Variants in HCRTR2 observed in about 807,000 individuals in gnomAD.
HCRTR2 encodes orexin receptor type 2.
Under a neutral mutation model 49.0 loss-of-function variants are expected in HCRTR2, and 22 were observed. The ratio of observed to expected loss-of-function variants is 0.45; its 90% confidence interval spans 0.32 to 0.64. The LOEUF is 0.64. HCRTR2 is among the 30% of genes least tolerant of loss of function. The pLI is 0.04. For synonymous variants in HCRTR2, 236 were observed against 205.3 expected, an observed-to-expected ratio of 1.15 and a Z score of -1.28; for missense variants, 491 against 559.4, an observed-to-expected ratio of 0.88 and a Z score of 1.23.
At chr6:55,194,475 T>A (rs1765375288) in intron 1 of HCRTR2, among the ~76,000 whole-genome samples, 1 of 152,112 alleles carries the variant, frequency 6.6e-6, no homozygotes, top group Admixed American at 6.5e-5. Flanking sequence ...GTGAAATTTT[T>A]AAAATTATTC....
chr6:55,219,628 C>T (rs1164252137), intron 1 of HCRTR2, among the ~76,000 whole-genome samples: 1 of 151,828 alleles, frequency 6.6e-6, no homozygotes, highest in Non-Finnish European at 1.5e-5. Flanking sequence ...AGTAAACAAC[C>T]TAACTTTACA....
upstream of HCRTR2, among the ~76,000 whole-genome samples, chr6:55,173,652 C>T (rs565217849): frequency 1.7e-4 from 26 of 152,264 alleles, no homozygotes; most frequent in African/African-American, 6.3e-4. Flanking sequence ...TGTTTAATAT[C>T]ATTGAGTATA....
intron 1 of HCRTR2, among the ~76,000 whole-genome samples, chr6:55,158,722 G>A (rs1422459553): frequency 6.6e-6 from 1 of 152,150 alleles, no homozygotes; most frequent in African/African-American, 2.4e-5. Context: ...ACGACAGTTC[G>A]GCAAAGCCAC....
Position 55,248,706 on chromosome 6 carries a change from T to C in HCRTR2, c.291T>C (p.Ser97=). The C allele has an allele frequency of 1.2e-6, 2 of 1,613,532 alleles. No homozygotes were observed. The highest frequency in any genetic ancestry group is 1.7e-6 in the Non-Finnish European group (2 of 1,179,546). The change falls in exon 2 of 7, where the codon TCT becomes TCC. Residue 97 remains serine (S), a synonymous_variant. Coordinates refer to ENST00000370862, the MANE Select transcript of HCRTR2 (RefSeq NM_001384272.1). ...TVTNYFIVNL[S]LADVLVTITC... The stretch of plus-strand genomic sequence containing the variant: ...CCAACTACTTCATAGTCAATCTTTC[T>C]CTGGCTGATGTGCTCGTGACCATCA...
intron 3 of HCRTR2, among the ~76,000 whole-genome samples, chr6:55,262,699 TGA>T (rs1766789342): frequency 7.0e-6 from 1 of 142,838 alleles, no homozygotes; most frequent in African/African-American, 2.6e-5. Flanking sequence ...GTAGGGAATC[TGA>T]ATTTATTTAT....
chr6:55,269,498 A>T (rs1261513896), intron 4 of HCRTR2, among the ~76,000 whole-genome samples: 8 of 152,344 alleles, frequency 5.3e-5, no homozygotes, highest in South Asian at 2.1e-4. Context: ...AGAACAAATA[A>T]ATGAGTTCAG....
intron 1 of HCRTR2, among the ~76,000 whole-genome samples, chr6:55,176,051 A>G (rs1765034051): frequency 6.6e-6 from 1 of 152,140 alleles, no homozygotes; most frequent in Non-Finnish European, 1.5e-5. Flanking sequence ...TGCAATGGGG[A>G]CTGACAAGGA....
intron 1 of HCRTR2, among the ~76,000 whole-genome samples, chr6:55,148,029 TAG>T (rs1311794558): frequency 6.6e-6 from 1 of 152,088 alleles, no homozygotes; most frequent in African/African-American, 2.4e-5. Context: ...GGACTTTAGT[TAG>T]AGTTTGTTGT....
intron 1 of HCRTR2, among the ~76,000 whole-genome samples, chr6:55,214,642 G>A (rs1040462454): frequency 6.6e-6 from 1 of 151,674 alleles, no homozygotes; most frequent in African/African-American, 2.4e-5. Flanking sequence ...TGCCTGACCT[G>A]TTTTGTTTTG....
At chr6:55,212,619 G>A (rs954880141) in intron 1 of HCRTR2, among the ~76,000 whole-genome samples, 9 of 152,100 alleles carry the variant, frequency 5.9e-5, no homozygotes, top group Admixed American at 2.0e-4. Context: ...CCAAAGTTTC[G>A]GTAGACATTT....
chr6:55,149,009 A>T (rs961512589), intron 1 of HCRTR2, among the ~76,000 whole-genome samples: 1 of 152,126 alleles, frequency 6.6e-6, no homozygotes, highest in Non-Finnish European at 1.5e-5. Flanking sequence ...GAAAGTTAAT[A>T]TCTTTCACTC....
At position 55,223,841 on chromosome 6, in the gene HCRTR2, G is replaced by A. The variant is rs991929102; in HGVS notation, c.224-24798G>A. ...TAATCAGCCATTTTAAAATAATTTT[G>A]TTCATTATCAATATGGAGGAAATTA... On this transcript the variant is annotated intron_variant, in intron 1 of 6. Transcript: ENST00000370862. Among the ~76,000 whole-genome samples, 8 of 152,032 alleles carry A rather than the reference G, an allele frequency of 5.3e-5. No individual in the cohort carries two copies. In the East Asian group the frequency reaches 1.5e-3, roughly 29 times the overall value.
chr6:55,259,742 A>C (rs1002176179), intron 3 of HCRTR2, among the ~76,000 whole-genome samples: 1 of 152,046 alleles, frequency 6.6e-6, no homozygotes, highest in Non-Finnish European at 1.5e-5. Flanking sequence ...ATCAATATTT[A>C]AAACTTTTTT....
chr6:55,280,297 C>T, intron 5 of HCRTR2, 26 bp from the exon 6 acceptor site: 1 of 1,452,148 alleles, frequency 6.9e-7, no homozygotes, highest in Non-Finnish European at 9.7e-7. Flanking sequence ...TTAAAAGACA[C>T]TTTTCTGTTG....
At chr6:55,274,891 A>G (rs1320086741) in intron 4 of HCRTR2, among the ~76,000 whole-genome samples, 1 of 152,140 alleles carries the variant, frequency 6.6e-6, no homozygotes, top group Non-Finnish European at 1.5e-5. Context: ...CATTTCATTA[A>G]AAGTCTGAAC....
rs572301006 is a variant in HCRTR2, at chr6:55,114,273, T to G, written c.-378+7728T>G. On this transcript the variant is annotated intron_variant, in intron 1 of 7. Coordinates refer to the HCRTR2 transcript ENST00000615358. The stretch of plus-strand genomic sequence containing the variant: ...CCTGCTTCTCAAAAACCTATTGAAA[T>G]GAAAAAATAAAATATATCATTCAAA... Among the ~76,000 whole-genome samples the G allele has an allele frequency of 1.5e-4, 20 of 132,774 alleles. No individual in the cohort carries two copies. The South Asian group carries it at 4.0e-3, about 26-fold the overall frequency. The allele number at this position is 132,774 out of a possible 152,430, so 87.1% of individuals were successfully genotyped here.
intron 1 of HCRTR2, among the ~76,000 whole-genome samples, chr6:55,200,235 T>TGTGTGTG (rs1765487787): frequency 7.4e-6 from 1 of 135,294 alleles, no homozygotes; most frequent in Admixed American, 7.5e-5. Flanking sequence ...GTTTGCTGTC[T>TGTGTGTG]TGTGTGTGTG....
chr6:55,228,197 A>G (rs1766047470), intron 1 of HCRTR2, among the ~76,000 whole-genome samples: 1 of 150,082 alleles, frequency 6.7e-6, no homozygotes, highest in South Asian at 2.1e-4. Flanking sequence ...AAAGAAGTCA[A>G]GCGGAATGGG....
chr6:55,248,641 T>G lies in HCRTR2; in HGVS notation c.226T>G (p.Cys76Gly). 1 of 1,612,222 alleles carries G rather than the reference T, an allele frequency of 6.2e-7. No homozygotes were observed. The highest frequency in any genetic ancestry group is 8.5e-7 in the Non-Finnish European group (1 of 1,178,422). The change falls in exon 2 of 7, where the codon TGT becomes GGT. Residue 76 changes from cysteine to glycine, a missense_variant and splice_region_variant. Cys to Gly is a radical substitution (Grantham distance 159, BLOSUM62 -3). Coordinates refer to ENST00000370862, the MANE Select transcript of HCRTR2 (RefSeq NM_001384272.1). The stretch of plus-strand genomic sequence containing the variant: ...ATTCCTTTTTCTTTTCAAATTAGTT[T>G]GTGTGGCAGTGTGGAAGAACCACCA... The part of the protein sequence containing the change: ...VVALIGNVLV[C>G]VAVWKNHHMR...
Sources: allele counts gnomAD v4.1 joint callset (sites outside exome capture counted in the v4.1 genomes callset), GRCh38; gene constraint gnomAD v4.1.1; transcripts MANE v1.5; gene names NCBI Gene and HGNC (gene_info 2026-07-23, HGNC 2026-07-21).